The following LMBRD1 variants were observed in gnomAD, a reference collection of about 807,000 sequenced individuals.
LMBRD1 encodes lysosomal cobalamin transport escort protein LMBD1.
A neutral mutation model predicts 74.8 loss-of-function variants in LMBRD1; 64 were observed. That is an observed-to-expected ratio of 0.86 (90% CI 0.70 to 1.05). The LOEUF (loss-of-function observed/expected upper bound fraction) is 1.05, where lower values mean the gene tolerates loss of function less well. LMBRD1 is among the 50% of genes least tolerant of loss of function. The pLI, the probability that LMBRD1 is intolerant of heterozygous loss-of-function variation, is 0.00. For synonymous variants in LMBRD1, 204 were observed against 216.3 expected, an observed-to-expected ratio of 0.94 and a Z score of 0.50; for missense variants, 652 against 645.9, an observed-to-expected ratio of 1.01 and a Z score of -0.10.
chr6:69,713,545 A>G (rs1766427187), intron 9 of LMBRD1, 100 bp downstream of exon 9: 2 of 1,215,008 alleles, frequency 1.6e-6, no homozygotes, highest in African/African-American at 3.0e-5. Context: ...CATTTTAAGT[A>G]CCATGCTGTA....
intron 2 of LMBRD1, among the ~76,000 whole-genome samples, chr6:69,781,196 G>C (rs982778484): frequency 6.6e-6 from 1 of 152,030 alleles, no homozygotes; most frequent in Non-Finnish European, 1.5e-5. Flanking sequence ...CCCACACAAG[G>C]GTTGTTCGAA....
intron 3 of LMBRD1, among the ~76,000 whole-genome samples, chr6:69,772,034 T>C (rs1422542916): frequency 6.6e-6 from 1 of 152,188 alleles, no homozygotes; most frequent in African/African-American, 2.4e-5. Flanking sequence ...TTCTTGTTGC[T>C]ATCCACAAGA....
chr6:69,793,990 G>T (rs1355083600), intron 1 of LMBRD1, among the ~76,000 whole-genome samples: 1 of 152,028 alleles, frequency 6.6e-6, no homozygotes, highest in Non-Finnish European at 1.5e-5. Context: ...AAAGTGCTGG[G>T]ATTACAGGTG....
At chr6:69,775,104 T>C (rs1252422662) in intron 3 of LMBRD1, among the ~76,000 whole-genome samples, 1 of 151,588 alleles carries the variant, frequency 6.6e-6, no homozygotes, top group African/African-American at 2.4e-5. Flanking sequence ...CCTTAAAGTT[T>C]CTGGGGCGGG....
chr6:69,684,232 A>G (rs777976459), intron 14 of LMBRD1, among the ~76,000 whole-genome samples: 2 of 152,124 alleles, frequency 1.3e-5, no homozygotes, highest in Admixed American at 6.5e-5. Flanking sequence ...ACAATTTATC[A>G]TATGAAATTA....
At chr6:69,688,192 AC>A (rs1765803265) in intron 14 of LMBRD1, among the ~76,000 whole-genome samples, 1 of 152,056 alleles carries the variant, frequency 6.6e-6, no homozygotes, top group African/African-American at 2.4e-5. Flanking sequence ...AAATTGCTTG[AC>A]CAGCTTCATT....
intron 3 of LMBRD1, among the ~76,000 whole-genome samples, chr6:69,754,438 T>C (rs1033981012): frequency 6.6e-6 from 1 of 152,286 alleles, no homozygotes. Context: ...CCCTACTACA[T>C]GCAATACAGA....
chr6:69,785,129 C>T (rs766719211), intron 2 of LMBRD1, among the ~76,000 whole-genome samples: 7 of 152,322 alleles, frequency 4.6e-5, no homozygotes, highest in Non-Finnish European at 1.0e-4. Flanking sequence ...CTTCACCTCT[C>T]AACACCACTG....
intron 3 of LMBRD1, among the ~76,000 whole-genome samples, chr6:69,764,765 T>C (rs1488240765): frequency 6.6e-6 from 1 of 152,186 alleles, no homozygotes; most frequent in African/African-American, 2.4e-5. Context: ...GTCTGTGGTT[T>C]ATAATTATTT....
At chr6:69,692,807 T>C (rs1217265168) in intron 14 of LMBRD1, among the ~76,000 whole-genome samples, 3 of 152,052 alleles carry the variant, frequency 2.0e-5, no homozygotes, top group Non-Finnish European at 4.4e-5. Context: ...TTTTCTCTTA[T>C]TATAATTATT....
chr6:69,705,431 A>C, intron 9 of LMBRD1: 2 of 1,289,554 alleles, frequency 1.6e-6, no homozygotes, highest in East Asian at 2.3e-5. Context: ...TTTTTGCTTT[A>C]ATGTCTTCTA....
intron 12 of LMBRD1, among the ~76,000 whole-genome samples, chr6:69,700,017 T>G (rs894790298): frequency 2.6e-5 from 4 of 151,824 alleles, no homozygotes; most frequent in Non-Finnish European, 5.9e-5. Flanking sequence ...CCTAACTACC[T>G]TTTTCTTCAC....
intron 2 of LMBRD1, among the ~76,000 whole-genome samples, chr6:69,787,623 G>A (rs1563607): frequency 0.33 from 50,741 of 151,826 alleles, 9,557 homozygotes; most frequent in East Asian, 0.54. Context: ...GTGTGCATCT[G>A]TAATCCCAGA....
intron 13 of LMBRD1, among the ~76,000 whole-genome samples, chr6:69,698,012 T>G (rs1210151717): frequency 1.3e-5 from 2 of 151,986 alleles, no homozygotes; most frequent in Non-Finnish European, 2.9e-5. Context: ...CAGAAGGATG[T>G]TTAATAAGCA....
intron 5 of LMBRD1, among the ~76,000 whole-genome samples, chr6:69,745,390 C>G (rs1767201657): frequency 6.6e-6 from 1 of 151,278 alleles, no homozygotes; most frequent in Non-Finnish European, 1.5e-5. Flanking sequence ...TCCCGAGTAG[C>G]TGGGACTACA....
rs1404771953 is a variant in LMBRD1, at chr6:69,724,496, A to C, written c.637-5415T>G. Among the ~76,000 whole-genome samples, 3 of 141,444 alleles carry C rather than the reference A, an allele frequency of 2.1e-5. No individual in the cohort carries two copies. The East Asian group carries it at 6.7e-4, about 32-fold the overall frequency. 92.8% of individuals were successfully genotyped at this position (141,444 alleles called of 152,430 possible). On this transcript the variant is annotated intron_variant, in intron 7 of 15. Coordinates refer to ENST00000649934, the MANE Select transcript of LMBRD1 (RefSeq NM_018368.4). Reference sequence around the variant, plus strand: ...ATCCCTGAGATGCAAGGGATGGTTCATTTGATTTGTATTTGTTGAACCATC... The same window carrying C: ...ATCCCTGAGATGCAAGGGATGGTTCCTTTGATTTGTATTTGTTGAACCATC...
chr6:69,687,108 G>A (rs892803622), intron 14 of LMBRD1, among the ~76,000 whole-genome samples: 16 of 152,130 alleles, frequency 1.1e-4, no homozygotes, highest in African/African-American at 3.9e-4. Context: ...GAAAGTAAAA[G>A]CTGATGTCCT....
In LMBRD1 at chr6:69,674,165, T is replaced by C. The variant is rs745784412; in HGVS notation, c.*1993A>G. 6.6e-6 allele frequency among the ~76,000 whole-genome samples: 1 copy of C among 152,222 alleles called. No homozygotes were observed. The highest frequency in any genetic ancestry group is 1.5e-5 in the Non-Finnish European group (1 of 68,046). On this transcript the variant is annotated 3_prime_UTR_variant, in exon 16 of 16. Transcript: ENST00000649934. Reference sequence around the variant, plus strand: ...CCTCACATGGCCTCTTCTTTGTACATACACATTCTAGATGTCTCTCCCCCT... The same window carrying C: ...CCTCACATGGCCTCTTCTTTGTACACACACATTCTAGATGTCTCTCCCCCT...
chr6:69,750,899 G>T (rs1018268607), intron 4 of LMBRD1, among the ~76,000 whole-genome samples: 10 of 152,014 alleles, frequency 6.6e-5, no homozygotes, highest in African/African-American at 2.4e-4. Flanking sequence ...TAATGCAAAT[G>T]CTCTTGAAGT....
Sources: gnomAD v4.1 joint callset for allele counts (sites outside exome capture counted in the v4.1 genomes callset) on GRCh38, gnomAD v4.1.1 for gene constraint, MANE v1.5 for transcripts, NCBI Gene and HGNC (gene_info 2026-07-23, HGNC 2026-07-21) for gene names.